RAB3GAP2: variants seen among roughly 807,000 people sequenced by gnomAD.
The protein encoded by RAB3GAP2 is rab3 GTPase-activating protein non-catalytic subunit.
In RAB3GAP2, 87 loss-of-function variants were observed where a neutral mutation model predicts 185.3. That is an observed-to-expected ratio of 0.47 (90% CI 0.39 to 0.56). The LOEUF is 0.56. RAB3GAP2 is among the 20% of genes least tolerant of loss of function. The pLI, the probability that RAB3GAP2 is intolerant of heterozygous loss-of-function variation, is 0.00. For synonymous variants in RAB3GAP2, 554 were observed against 576.1 expected (o/e 0.96, Z 0.55); for missense variants, 1,492 against 1,638.2 (o/e 0.91, Z 1.54).
At position 220,245,326 on chromosome 1, in the gene RAB3GAP2, C is replaced by T. The variant is rs960281529; in HGVS notation, c.116-12463G>A. Among the ~76,000 whole-genome samples the T allele has an allele frequency of 2.6e-5, 4 of 152,152 alleles. 1 individual carries two copies. Among genetic ancestry groups the T allele is most frequent in the Admixed American group, 1.3e-4 (2 of 15,274 alleles). On this transcript the variant is annotated intron_variant, in intron 1 of 34. Transcript: ENST00000358951. ...GTGGGTGCGCGCACCATGCGCGAGC[C>T]GAAGCAGGGCGAGGCATTGCCTCAC...
At position 220,195,083 on chromosome 1, in the gene RAB3GAP2, A is replaced by G. The variant is rs373876472; in HGVS notation, c.1125T>C (p.Ala375=). 47 of 1,613,968 alleles carry G rather than the reference A, an allele frequency of 2.9e-5. No individual in the cohort carries two copies. The highest frequency in any genetic ancestry group is 4.0e-5 in the Non-Finnish European group (47 of 1,179,954). The change falls in exon 12 of 35, where the codon GCT becomes GCC. Residue 375 remains alanine (A), a synonymous_variant. Transcript: ENST00000358951. ...KPKVEPATPL[A]VRFGLPDSRR... Reference sequence around the variant, plus strand: ...GGGAAGCATGACAGACTTGCCTTACAGCTAATGGGGTAGCTGGCTCAACCT... The same window carrying G: ...GGGAAGCATGACAGACTTGCCTTACGGCTAATGGGGTAGCTGGCTCAACCT...
intron 1 of RAB3GAP2, among the ~76,000 whole-genome samples, chr1:220,265,577 T>C (rs1247120259): frequency 6.6e-6 from 1 of 152,072 alleles, no homozygotes. Flanking sequence ...TATGTCACTA[T>C]AGGTTAAATG....
chr1:220,219,827 C>A (rs144026956), intron 2 of RAB3GAP2, among the ~76,000 whole-genome samples: 1 of 152,130 alleles, frequency 6.6e-6, no homozygotes, highest in Non-Finnish European at 1.5e-5. Flanking sequence ...TGATTTCCAG[C>A]GCCAGTTCCA....
At position 220,196,277 on chromosome 1, in the gene RAB3GAP2, T is replaced by C. The variant is rs375262214; in HGVS notation, c.933A>G (p.Pro311=). 27 of 1,613,314 alleles carry C rather than the reference T, an allele frequency of 1.7e-5. No individual in the cohort carries two copies. The highest frequency in any genetic ancestry group is 2.3e-5 in the Non-Finnish European group (27 of 1,179,492). ...CTAAAGCATAGAAGAAGCCAGTAAATGGATTGGACCCTACAGTGATATACT... is the reference window on the plus strand; with the variant it reads ...CTAAAGCATAGAAGAAGCCAGTAAACGGATTGGACCCTACAGTGATATACT... The part of the protein sequence containing the change: ...MSQYITVGSN[P]FTGFFYALEG... Residue 311 remains proline (P), a synonymous_variant, in exon 10 of 35, where the codon CCA becomes CCG. Transcript: ENST00000358951.
At chr1:220,173,807 T>C (rs1010459175) in intron 21 of RAB3GAP2, among the ~76,000 whole-genome samples, 1 of 151,744 alleles carries the variant, frequency 6.6e-6, no homozygotes, top group South Asian at 2.1e-4. Context: ...GATCACGAGG[T>C]CAGGAGATTG....
At position 220,151,714 on chromosome 1, in the gene RAB3GAP2, C is replaced by T; in HGVS notation, c.3918G>A (p.Val1306=). ...CATGAGCCAGCCTTTGCCCCGTGAG[C>T]ACCAGCAGCTGAGAGGCAAGGACCT... ...DKEVLASQLL[V]LTGQRLAHAL... is the part of the protein sequence containing the mutation. The change falls in exon 34 of 35, where the codon GTG becomes GTA. Residue 1306 remains valine (V), a synonymous_variant. Transcript: ENST00000358951. 6.2e-7 allele frequency: 1 copy of T among 1,612,086 alleles called. No individual in the cohort carries two copies. The highest frequency in any genetic ancestry group is 8.5e-7 in the Non-Finnish European group (1 of 1,178,136).
At chr1:220,265,225 A>C (rs1420393993) in intron 1 of RAB3GAP2, among the ~76,000 whole-genome samples, 1 of 152,134 alleles carries the variant, frequency 6.6e-6, no homozygotes, top group African/African-American at 2.4e-5. Context: ...CCCATTATGC[A>C]AAGTGATTCT....
rs547775034 is a variant in RAB3GAP2 at position 220,181,819 on chromosome 1, C to T, written c.2310+438G>A. Among the ~76,000 whole-genome samples the T allele has an allele frequency of 1.4e-4, 22 of 151,856 alleles. No homozygotes were observed. In the South Asian group the frequency reaches 3.7e-3, roughly 26 times the overall value. On this transcript the variant is annotated intron_variant, in intron 21 of 34. Coordinates refer to ENST00000358951, the MANE Select transcript of RAB3GAP2 (RefSeq NM_012414.4). The stretch of plus-strand genomic sequence containing the variant: ...AATCCAAAAGCTTTGAGCGGTCATG[C>T]GGGGAGGATTGCTTCAGGCCAGGAG...
At chr1:220,246,620 G>A (rs1325555676) in intron 1 of RAB3GAP2, among the ~76,000 whole-genome samples, 1 of 111,860 alleles carries the variant, frequency 8.9e-6, no homozygotes, top group Non-Finnish European at 1.8e-5. Context: ...GTCCTTTGTA[G>A]GGACATGGAT....
chr1:220,153,621 C>CT (rs1358961290), intron 32 of RAB3GAP2: 9 of 310,022 alleles, frequency 2.9e-5, no homozygotes, highest in East Asian at 6.4e-5. Context: ...TATTATTATA[C>CT]TTTAAGTTCT....
At chr1:220,263,650 T>G (rs756679669) in intron 1 of RAB3GAP2, among the ~76,000 whole-genome samples, 1 of 152,142 alleles carries the variant, frequency 6.6e-6, no homozygotes, top group African/African-American at 2.4e-5. Context: ...TTGGTTTGTT[T>G]GTCTTTATGC....
intron 1 of RAB3GAP2, 28 bp downstream of exon 1, chr1:220,272,195 G>C: frequency 6.4e-7 from 1 of 1,559,232 alleles, no homozygotes; most frequent in East Asian, 2.3e-5. Flanking sequence ...GACGAGGGAA[G>C]GAAGGGCGAG....
intron 9 of RAB3GAP2, chr1:220,200,618 T>G (rs1464214035): frequency 1.9e-6 from 1 of 528,340 alleles, no homozygotes; most frequent in South Asian, 1.4e-5. Context: ...GTTTCAATGT[T>G]CCAAAGTTTA....
At chr1:220,235,568 C>A (rs778984760) in intron 1 of RAB3GAP2, among the ~76,000 whole-genome samples, 16 of 152,186 alleles carry the variant, frequency 1.1e-4, no homozygotes, top group Non-Finnish European at 2.2e-4. Flanking sequence ...ACAAACACAT[C>A]TTTTATGTTC....
At chr1:220,235,706 T>C (rs1659578149) in intron 1 of RAB3GAP2, among the ~76,000 whole-genome samples, 1 of 152,166 alleles carries the variant, frequency 6.6e-6, no homozygotes, top group Admixed American at 6.5e-5. Flanking sequence ...TCCTCCATAT[T>C]GGTATAAAAA....
chr1:220,254,287 C>A, intron 1 of RAB3GAP2: 4 of 1,613,422 alleles, frequency 2.5e-6, no homozygotes, highest in South Asian at 1.1e-5. Context: ...ATTTGAGAGA[C>A]CACAGTATGC....
chr1:220,184,039 A>T lies in RAB3GAP2; in HGVS notation c.1995T>A (p.Asp665Glu), dbSNP rs986759414. 6.4e-7 allele frequency: 1 copy of T among 1,561,388 alleles called. No homozygotes were observed. Among genetic ancestry groups the T allele is most frequent in the Non-Finnish European group, 8.8e-7 (1 of 1,136,200 alleles). Reference sequence around the variant, plus strand: ...TATAAAATGTGGGATTACTCACATTATCAGAGAATGGTGTGTCTAAATGAA... The same window carrying T: ...TATAAAATGTGGGATTACTCACATTTTCAGAGAATGGTGTGTCTAAATGAA... ...LDFHLDTPFS[D>E]NDLALLLRLD... The change falls in exon 19 of 35, where the codon GAT becomes GAA. Residue 665 changes from aspartate (D) to glutamate (E), a missense_variant. Coordinates refer to ENST00000358951, the MANE Select transcript of RAB3GAP2 (RefSeq NM_012414.4).
At chr1:220,211,653 A>G (rs888062041) in intron 4 of RAB3GAP2, among the ~76,000 whole-genome samples, 1 of 152,206 alleles carries the variant, frequency 6.6e-6, no homozygotes, top group African/African-American at 2.4e-5. Flanking sequence ...CTAAGTCTCA[A>G]AATCAAAACA....
chr1:220,193,124 T>C lies in RAB3GAP2; in HGVS notation c.1270+116A>G, dbSNP rs1658655952. ...CTGAGTTCATGTCAAAAAAAGAAAA[T>C]GTAAACATGAAGAATTAAACAGAGT... On this transcript the variant is annotated intron_variant, in intron 13 of 34. Coordinates refer to ENST00000358951, the MANE Select transcript of RAB3GAP2 (RefSeq NM_012414.4). 21 of 1,336,144 alleles carry C rather than the reference T, an allele frequency of 1.6e-5. No homozygotes were observed. In the South Asian group the frequency reaches 2.6e-4, roughly 17 times the overall value. The allele number at this position is 1,336,144 out of a possible 1,614,324, so 82.8% of individuals were successfully genotyped here.
Sources: gnomAD v4.1 joint callset for allele counts (sites outside exome capture counted in the v4.1 genomes callset) on GRCh38, gnomAD v4.1.1 for gene constraint, MANE v1.5 for transcripts, NCBI Gene and HGNC (gene_info 2026-07-23, HGNC 2026-07-21) for gene names.